COQ8A: variants seen among roughly 807,000 people sequenced by gnomAD.
The protein encoded by COQ8A is atypical kinase COQ8A, mitochondrial.
A neutral mutation model predicts 65.0 loss-of-function variants in COQ8A; 51 were observed. The ratio of observed to expected loss-of-function variants is 0.78; its 90% CI spans 0.63 to 0.99. The LOEUF (loss-of-function observed/expected upper bound fraction) is 0.99. Among genes scored for constraint, COQ8A ranks in the 50% least tolerant of loss-of-function variants. The pLI is 0.00. For missense variants in COQ8A, 940 were observed against 875.0 expected (o/e 1.07, Z -0.94); for synonymous variants, 371 against 353.2 (o/e 1.05, Z -0.57).
Position 226,982,075 on chromosome 1 carries a change from C to G in COQ8A, c.779C>G (p.Ala260Gly). Reference protein sequence around the residue: ...GSSPFLSEANAERIVRTLCKV... With the variant: ...GSSPFLSEANGERIVRTLCKV... ...AGTCCTTTCCTGTCCGAGGCCAATG[C>G]AGAGCGGATCGTGCGCACGCTCTGC... The change falls in exon 6 of 15, where the codon GCA (alanine) becomes GGA (glycine). Residue 260 changes from alanine to glycine, a missense_variant. Coordinates refer to ENST00000366777, the MANE Select transcript of COQ8A (RefSeq NM_020247.5). 1.2e-6 allele frequency: 2 copies of G among 1,612,842 alleles called. No individual in the cohort carries two copies.
chr1:226,951,295 C>T (rs1361568506), intron 1 of COQ8A, among the ~76,000 whole-genome samples: 2 of 152,154 alleles, frequency 1.3e-5, no homozygotes, highest in African/African-American at 4.8e-5. Context: ...AAGCCCAAGC[C>T]GTGGACCAAC....
At chr1:226,978,876 C>T (rs1326121842) in intron 5 of COQ8A, among the ~76,000 whole-genome samples, 1 of 126,914 alleles carries the variant, frequency 7.9e-6, no homozygotes, top group Non-Finnish European at 1.8e-5. Flanking sequence ...TACACACCCT[C>T]CACACACCCA....
intron 4 of COQ8A, among the ~76,000 whole-genome samples, chr1:226,968,634 G>C (rs117233925): frequency 6.6e-6 from 1 of 152,142 alleles, no homozygotes; most frequent in East Asian, 1.9e-4. Flanking sequence ...TTTTACACGG[G>C]GTTATGAAGG....
At position 226,982,667 on chromosome 1, in the gene COQ8A, C is replaced by T. The variant is rs1266956445; in HGVS notation, c.854-11C>T. 6.2e-7 allele frequency: 1 copy of T among 1,612,666 alleles called. No homozygotes were observed. Among genetic ancestry groups the T allele is most frequent in the African/African-American group, 1.3e-5 (1 of 74,900 alleles). On this transcript the variant is annotated splice_polypyrimidine_tract_variant and intron_variant, in intron 6 of 14. Transcript: ENST00000366777. ...CCCAGGTTCGCCCTGTGTCATTCTCCTGCCTTCCAGATGATGCCTTTATCA... is the reference window on the plus strand; with the variant it reads ...CCCAGGTTCGCCCTGTGTCATTCTCTTGCCTTCCAGATGATGCCTTTATCA...
intron 2 of COQ8A, among the ~76,000 whole-genome samples, chr1:226,962,218 G>T (rs1451724240): frequency 2.0e-5 from 3 of 152,150 alleles, no homozygotes; most frequent in African/African-American, 7.2e-5. Context: ...CTGACTGGGG[G>T]CCCTCCTTTC....
In COQ8A at chr1:226,982,280, A is replaced by T. The variant is rs897309840; in HGVS notation, c.853+131A>T. The T allele has an allele frequency of 2.2e-6, 3 of 1,344,208 alleles. No homozygotes were observed. The Admixed American group carries it at 6.4e-5, about 29-fold the overall frequency. The allele number at this position is 1,344,208 out of a possible 1,614,324, so 83.3% of individuals were successfully genotyped here. A position where few individuals can be genotyped will look rare whatever the true frequency, so the allele number is the denominator to read the frequency against. On this transcript the variant is annotated intron_variant, in intron 6 of 14. Coordinates refer to ENST00000366777, the MANE Select transcript of COQ8A (RefSeq NM_020247.5). ...TGAGCAGGCTGGGGAGAGATCTTAG[A>T]AGATAATAGGCCTGGTCTCCAGACG...
At chr1:226,965,866 C>A in intron 4 of COQ8A, 129 bp downstream of exon 4, 1 of 960,272 alleles carries the variant, frequency 1.0e-6, no homozygotes, top group South Asian at 1.4e-5. Context: ...CGGTGGCCGC[C>A]CCTGCATGAG....
rs1281854101 is a variant in COQ8A, at chr1:226,983,389, G to A, written c.1081-163G>A. ...AGGTGGACAACGAGGCTGTGATGGG[G>A]TCCAGGTCACGGCAGCATGGCTGGG... is the stretch of plus-strand genomic sequence containing the variant. On this transcript the variant is annotated intron_variant, in intron 8 of 14. Coordinates refer to ENST00000366777, the MANE Select transcript of COQ8A (RefSeq NM_020247.5). The A allele has an allele frequency of 1.2e-5, 9 of 734,010 alleles. No homozygotes were observed. In the Admixed American group the frequency reaches 1.2e-4, roughly 10 times the overall value. 45.5% of individuals were successfully genotyped at this position (734,010 alleles called of 1,614,324 possible).
At chr1:226,959,410 A>T (rs1398286584) in intron 1 of COQ8A, among the ~76,000 whole-genome samples, 2 of 150,488 alleles carry the variant, frequency 1.3e-5, no homozygotes, top group African/African-American at 4.9e-5. Context: ...ACATAGTGAG[A>T]CCCCTCTCTT....
chr1:226,947,428 A>G (rs761239118), intron 1 of COQ8A, among the ~76,000 whole-genome samples: 4 of 152,210 alleles, frequency 2.6e-5, no homozygotes, highest in Non-Finnish European at 4.4e-5. Context: ...GACAGAGGGG[A>G]ATAATAAATG....
rs1660155012 is a variant in COQ8A at position 226,986,923 on chromosome 1, G to C, written c.*186G>C. ...GCTAAATGGTTGTAGGGTGAGAAGT[G>C]CAAGAATGAAGATGAAGCCCCACTG... is the stretch of plus-strand genomic sequence containing the variant. On this transcript the variant is annotated 3_prime_UTR_variant, in exon 15 of 15. Coordinates refer to ENST00000366777, the MANE Select transcript of COQ8A (RefSeq NM_020247.5). The C allele has an allele frequency of 1.4e-6, 1 of 706,068 alleles. No homozygotes were observed. Among genetic ancestry groups the C allele is most frequent in the Non-Finnish European group, 2.3e-6 (1 of 427,776 alleles). The allele number at this position is 706,068 out of a possible 1,614,324, so 43.7% of individuals were successfully genotyped here.
chr1:226,968,488 C>T (rs1193482796), intron 4 of COQ8A, among the ~76,000 whole-genome samples: 6 of 152,152 alleles, frequency 3.9e-5, no homozygotes, highest in African/African-American at 1.4e-4. Flanking sequence ...AAATATATAG[C>T]TTACTGGTGG....
chr1:226,962,756 G>A (rs1658329286), intron 2 of COQ8A, among the ~76,000 whole-genome samples: 1 of 152,204 alleles, frequency 6.6e-6, no homozygotes, highest in Non-Finnish European at 1.5e-5. Flanking sequence ...AAGCATACCT[G>A]CCTTTAATGT....
chr1:226,981,718 C>T (rs1235619213), intron 5 of COQ8A, among the ~76,000 whole-genome samples: 3 of 152,220 alleles, frequency 2.0e-5, no homozygotes, highest in Non-Finnish European at 2.9e-5. Context: ...CAGGCAGCAC[C>T]ATGGCCCTGT....
intron 1 of COQ8A, among the ~76,000 whole-genome samples, chr1:226,958,804 G>C (rs898052736): frequency 3.9e-5 from 6 of 152,188 alleles, no homozygotes; most frequent in Non-Finnish European, 2.9e-5. Flanking sequence ...AGGAGGCACA[G>C]AGCCCAAACA....
At chr1:226,980,363 A>G (rs1396362882) in intron 5 of COQ8A, among the ~76,000 whole-genome samples, 1 of 152,166 alleles carries the variant, frequency 6.6e-6, no homozygotes, top group Non-Finnish European at 1.5e-5. Context: ...CACCGTTCCC[A>G]TCTCTCAGGA....
chr1:226,942,088 C>A (rs903327701), intron 1 of COQ8A, among the ~76,000 whole-genome samples: 4 of 152,076 alleles, frequency 2.6e-5, no homozygotes, highest in Non-Finnish European at 4.4e-5. Context: ...CCCCTTCTAG[C>A]CGTTGTGACC....
chr1:226,973,173 T>C (rs1337002394), intron 4 of COQ8A, among the ~76,000 whole-genome samples: 1 of 152,252 alleles, frequency 6.6e-6, no homozygotes, highest in Non-Finnish European at 1.5e-5. Context: ...CACGCCATGC[T>C]TCCTGCAGTG....
Position 226,982,056 on chromosome 1 carries a change from T to C in COQ8A, c.760T>C (p.Phe254Leu). 1.2e-6 allele frequency: 2 copies of C among 1,612,908 alleles called. No homozygotes were observed. Among genetic ancestry groups the C allele is most frequent in the South Asian group, 1.1e-5 (1 of 91,078 alleles). Residue 254 changes from phenylalanine (F) to leucine (L), a missense_variant, in exon 6 of 15, where the codon TTC becomes CTC. Phe to Leu is a conservative substitution (Grantham distance 22, BLOSUM62 0). Coordinates refer to ENST00000366777, the MANE Select transcript of COQ8A (RefSeq NM_020247.5). ...GKKAVLGSSP[F>L]LSEANAERIV... ...GAAGGCCGTGCTGGGTTCCAGTCCT[T>C]TCCTGTCCGAGGCCAATGCAGAGCG... is the stretch of plus-strand genomic sequence containing the variant.
Sources: gnomAD v4.1 joint callset for allele counts (sites outside exome capture counted in the v4.1 genomes callset) on GRCh38, gnomAD v4.1.1 for gene constraint, MANE v1.5 for transcripts, NCBI Gene and HGNC (gene_info 2026-07-23, HGNC 2026-07-21) for gene names.